The following DCHS2 variants were observed in gnomAD, a reference collection of about 807,000 sequenced individuals.
DCHS2 encodes the protein protocadherin-23.
A neutral mutation model predicts 182.4 loss-of-function variants in DCHS2; 142 were observed. The ratio of observed to expected loss-of-function variants is 0.78; its 90% CI spans 0.68 to 0.89. The LOEUF (loss-of-function observed/expected upper bound fraction) is 0.89, where lower values mean the gene tolerates loss of function less well. Ranked by LOEUF, DCHS2 falls within the 40% of genes least tolerant of loss-of-function variation. DCHS2 has a pLI of 0.00. For synonymous variants in DCHS2, 1,740 were observed against 1,663.3 expected (o/e 1.05, Z -1.12); for missense variants, 4,319 against 4,198.6 (o/e 1.03, Z -0.79).
chr4:154,277,598 G>A (rs553640581), intron 13 of DCHS2, among the ~76,000 whole-genome samples: 81 of 148,164 alleles, frequency 5.5e-4, no homozygotes, highest in African/African-American at 2.0e-3. Flanking sequence ...ATCTAGAGAG[G>A]TGGTGATTTT....
At chr4:154,413,148 T>C (rs892349810) in intron 1 of DCHS2, among the ~76,000 whole-genome samples, 7 of 152,214 alleles carry the variant, frequency 4.6e-5, no homozygotes, top group African/African-American at 1.7e-4. Flanking sequence ...TTCTAAAACA[T>C]GTCCTATCTG....
intron 16 of DCHS2, 107 bp downstream of exon 16, chr4:154,255,412 C>A: frequency 7.1e-7 from 1 of 1,404,394 alleles, no homozygotes. Context: ...AAAGGGATAA[C>A]ACATTTTACA....
chr4:154,390,983 T>C (rs1731674942), intron 1 of DCHS2, among the ~76,000 whole-genome samples: 1 of 152,194 alleles, frequency 6.6e-6, no homozygotes, highest in African/African-American at 2.4e-5. Flanking sequence ...TAACGTCTAA[T>C]ACCATAAAAC....
chr4:154,456,812 CT>C (rs1734788148), intron 1 of DCHS2, among the ~76,000 whole-genome samples: 1 of 151,990 alleles, frequency 6.6e-6, no homozygotes, highest in African/African-American at 2.4e-5. Flanking sequence ...TTGCAGAGGA[CT>C]TTTTTCTTAC....
rs759517772 is a variant in DCHS2, at chr4:154,298,302, T to G, written c.6012A>C (p.Thr2004=). 1.2e-6 allele frequency: 2 copies of G among 1,614,202 alleles called. No homozygotes were observed. Among genetic ancestry groups the G allele is most frequent in the South Asian group, 1.1e-5 (1 of 91,086 alleles). The change falls in exon 13 of 20, where the codon ACA becomes ACC. Residue 2004 remains threonine (T), a synonymous_variant. Coordinates refer to ENST00000357232, the MANE Select transcript of DCHS2 (RefSeq NM_001358235.2). ...TACAGTCTCTGGCCACAGCACTAAATGTATGCTGAGATCTGGCTTCACGGT... is the reference window on the plus strand; with the variant it reads ...TACAGTCTCTGGCCACAGCACTAAAGGTATGCTGAGATCTGGCTTCACGGT... ...TLDREARSQH[T]FSAVARDCSI...
intron 1 of DCHS2, among the ~76,000 whole-genome samples, chr4:154,388,423 T>C (rs529036578): frequency 4.7e-4 from 72 of 151,982 alleles, no homozygotes; most frequent in African/African-American, 1.6e-3. Flanking sequence ...GGTTAAGTGA[T>C]TTAATGTGGG....
In DCHS2 at chr4:154,489,663, C is replaced by G. The variant is rs1409800092; in HGVS notation, c.1693G>C (p.Asp565His). 1 of 1,551,642 alleles carries G rather than the reference C, an allele frequency of 6.4e-7. No individual in the cohort carries two copies. The highest frequency in any genetic ancestry group is 1.2e-5 in the South Asian group (1 of 84,058). Residue 565 changes from aspartate (D) to histidine (H), a missense_variant, in exon 1 of 20, where the codon GAT becomes CAT. By Grantham distance (81) the Asp-to-His change is moderately conservative. Transcript: ENST00000357232. ...TGATCACTGCCTGCCTCGTCGGCAT[C>G]GGAGGCGCTGACCCACATGACTACA... ...GTVVMWVSAS[D>H]ADEAGSDHAW...
At chr4:154,289,153 T>C (rs932777091) in intron 13 of DCHS2, among the ~76,000 whole-genome samples, 1 of 151,916 alleles carries the variant, frequency 6.6e-6, no homozygotes, top group Non-Finnish European at 1.5e-5. Context: ...AAACAAAAAA[T>C]TGGCTTTTTG....
intron 16 of DCHS2, among the ~76,000 whole-genome samples, chr4:154,246,496 C>A (rs1732075042): frequency 6.6e-6 from 1 of 152,050 alleles, no homozygotes; most frequent in Non-Finnish European, 1.5e-5. Context: ...TTGAAATTGC[C>A]TCACTTATAT....
intron 1 of DCHS2, among the ~76,000 whole-genome samples, chr4:154,415,017 G>T (rs1312233833): frequency 6.6e-6 from 1 of 152,132 alleles, no homozygotes; most frequent in Non-Finnish European, 1.5e-5. Flanking sequence ...TATGGCAAAA[G>T]GTTCACCCCT....
At chr4:154,287,348 C>T (rs1446294302) in intron 13 of DCHS2, among the ~76,000 whole-genome samples, 1 of 152,142 alleles carries the variant, frequency 6.6e-6, no homozygotes, top group Admixed American at 6.6e-5. Flanking sequence ...TATTCTTGTT[C>T]TAAGTAGAAA....
In DCHS2 at chr4:154,490,001, T is replaced by A. The variant is rs759061798; in HGVS notation, c.1355A>T (p.Asp452Val). 6.5e-6 allele frequency: 10 copies of A among 1,549,522 alleles called. No individual in the cohort carries two copies. The highest frequency in any genetic ancestry group is 2.0e-5 in the Admixed American group (1 of 50,978). The change falls in exon 1 of 20, where the codon GAT becomes GTT. Residue 452 changes from aspartate to valine, a missense_variant. Transcript: ENST00000357232. Reference protein sequence around the residue: ...SDADGDWEKEDEATGELGVGL... With the variant: ...SDADGDWEKEVEATGELGVGL... ...CACACCAAGCTCCCCTGTGGCCTCATCTTCCTTCTCCCAGTCACCGTCCGC... is the reference window on the plus strand; with the variant it reads ...CACACCAAGCTCCCCTGTGGCCTCAACTTCCTTCTCCCAGTCACCGTCCGC...
At chr4:154,388,653 GCTGT>G (rs1478344956) in intron 1 of DCHS2, among the ~76,000 whole-genome samples, 1 of 151,610 alleles carries the variant, frequency 6.6e-6, no homozygotes, top group Non-Finnish European at 1.5e-5. Context: ...CATCACCACG[GCTGT>G]CTAATTTTTT....
At chr4:154,255,790 G>A (rs1223694323) in intron 15 of DCHS2, 120 bp from the exon 16 acceptor site, 15 of 1,372,188 alleles carry the variant, frequency 1.1e-5, no homozygotes, top group Admixed American at 9.7e-5. Context: ...TAAAAACAAC[G>A]ATGAAATGAA....
In DCHS2 at chr4:154,236,742, G is replaced by A. The variant is rs753378690; in HGVS notation, c.7910C>T (p.Ala2637Val). 13 of 1,613,872 alleles carry A rather than the reference G, an allele frequency of 8.1e-6. No homozygotes were observed. Among genetic ancestry groups the A allele is most frequent in the African/African-American group, 2.7e-5 (2 of 74,916 alleles). ...CAATGGAGGGCAGCCACTGTCAGATGCCAGAATGACAAGCTCATGGCTAGC... is the reference window on the plus strand; with the variant it reads ...CAATGGAGGGCAGCCACTGTCAGATACCAGAATGACAAGCTCATGGCTAGC... Reference protein sequence around the residue: ...ASASHELVILASDSGCPPLSS... With the variant: ...ASASHELVILVSDSGCPPLSS... The change falls in exon 20 of 20, where the codon GCA (alanine) becomes GTA (valine). Residue 2637 changes from alanine to valine, a missense_variant. Physicochemically the swap from Ala to Val is moderately conservative, Grantham distance 64. Coordinates refer to ENST00000357232, the MANE Select transcript of DCHS2 (RefSeq NM_001358235.2).
In DCHS2 at chr4:154,333,347, A is replaced by G; in HGVS notation, c.2861T>C (p.Leu954Pro). 6.2e-7 allele frequency: 1 copy of G among 1,614,150 alleles called. No individual in the cohort carries two copies. Among genetic ancestry groups the G allele is most frequent in the Non-Finnish European group, 8.5e-7 (1 of 1,180,030 alleles). ...PVVVLTVQAQ[L>P]GSAPACSSTE... ...GCTGCTGCAGGCTGGGGCGCTGCCG[A>G]GCTGCGCCTGCACCGTGAGCACAAC... Residue 954 changes from leucine (L) to proline (P), a missense_variant, in exon 5 of 20, where the codon CTC (leucine) becomes CCC (proline). Physicochemically the swap from Leu to Pro is moderately conservative, Grantham distance 98 (BLOSUM62 -3). Transcript: ENST00000357232.
intron 1 of DCHS2, among the ~76,000 whole-genome samples, chr4:154,408,694 A>G (rs537546044): frequency 1.3e-5 from 2 of 152,320 alleles, no homozygotes; most frequent in South Asian, 4.1e-4. Context: ...GAATAGCAAA[A>G]ACCCTGTGGA....
intron 2 of DCHS2, among the ~76,000 whole-genome samples, chr4:154,374,926 T>C (rs192639923): frequency 1.3e-5 from 2 of 152,230 alleles, no homozygotes; most frequent in African/African-American, 2.4e-5. Flanking sequence ...CTGTAAACAA[T>C]GTAAATTGAA....
chr4:154,433,555 C>T (rs1296946029), intron 1 of DCHS2, among the ~76,000 whole-genome samples: 5 of 151,978 alleles, frequency 3.3e-5, no homozygotes, highest in South Asian at 2.1e-4. Flanking sequence ...CCACCATGCC[C>T]GGCTAATTTA....
Sources: gnomAD v4.1 joint callset for allele counts (sites outside exome capture counted in the v4.1 genomes callset) on GRCh38, gnomAD v4.1.1 for gene constraint, MANE v1.5 for transcripts, NCBI Gene and HGNC (gene_info 2026-07-23, HGNC 2026-07-21) for gene names.